The following MSH3 variants were observed in gnomAD, a reference collection of about 807,000 sequenced individuals.
The protein encoded by MSH3 is DNA mismatch repair protein Msh3.
Under a neutral mutation model 123.3 loss-of-function variants are expected in MSH3, and 106 were observed. The ratio of observed to expected loss-of-function variants is 0.86; its 90% CI spans 0.73 to 1.01. The LOEUF (loss-of-function observed/expected upper bound fraction) is 1.01. MSH3 is among the 50% of genes least tolerant of loss of function. The pLI is 0.00. For synonymous variants in MSH3, 515 were observed against 481.4 expected, an observed-to-expected ratio of 1.07 and a Z score of -0.91; for missense variants, 1,459 against 1,347.6, an observed-to-expected ratio of 1.08 and a Z score of -1.29.
intron 8 of MSH3, among the ~76,000 whole-genome samples, chr5:80,682,743 T>C (rs1749999608): frequency 6.6e-6 from 1 of 152,224 alleles, no homozygotes; most frequent in Non-Finnish European, 1.5e-5. Context: ...ATTATACTCT[T>C]TTAGTTATTT....
At chr5:80,816,380 A>G (rs1412902040) in intron 20 of MSH3, among the ~76,000 whole-genome samples, 4 of 152,216 alleles carry the variant, frequency 2.6e-5, no homozygotes, top group Non-Finnish European at 2.9e-5. Flanking sequence ...TGTAAGAAGG[A>G]AGGAAGTATA....
chr5:80,839,289 A>C (rs1470256725), intron 20 of MSH3, among the ~76,000 whole-genome samples: 1 of 152,092 alleles, frequency 6.6e-6, no homozygotes, highest in Non-Finnish European at 1.5e-5. Context: ...AATCACTTGA[A>C]CCCTGGAGGT....
At chr5:80,676,999 G>T (rs1749856132) in intron 7 of MSH3, among the ~76,000 whole-genome samples, 1 of 152,102 alleles carries the variant, frequency 6.6e-6, no homozygotes, top group African/African-American at 2.4e-5. Context: ...CCACTTTTGG[G>T]CTGATGACAT....
At chr5:80,845,518 C>T (rs989133849) in intron 20 of MSH3, among the ~76,000 whole-genome samples, 1 of 152,206 alleles carries the variant, frequency 6.6e-6, no homozygotes, top group African/African-American at 2.4e-5. Flanking sequence ...TTCCATTCTC[C>T]CCGTCACTTT....
intron 6 of MSH3, among the ~76,000 whole-genome samples, chr5:80,673,088 A>G (rs2112814582): frequency 6.6e-6 from 1 of 152,190 alleles, no homozygotes; most frequent in East Asian, 1.9e-4. Flanking sequence ...ATACTTCAAG[A>G]GCAAGAAAAA....
At chr5:80,806,745 A>G (rs1011680364) in intron 19 of MSH3, among the ~76,000 whole-genome samples, 8 of 152,198 alleles carry the variant, frequency 5.3e-5, no homozygotes, top group African/African-American at 1.9e-4. Flanking sequence ...TTACTCAGTT[A>G]ATTGGGGGAA....
At chr5:80,782,248 G>T (rs1744421761) in intron 17 of MSH3, among the ~76,000 whole-genome samples, 2 of 152,072 alleles carry the variant, frequency 1.3e-5, no homozygotes, top group Non-Finnish European at 2.9e-5. Flanking sequence ...AATGCAGTTG[G>T]CTCTTGATAT....
intron 17 of MSH3, among the ~76,000 whole-genome samples, chr5:80,784,239 AG>A (rs372187624): frequency 0.018 from 1,483 of 84,598 alleles, 394 homozygotes; most frequent in Middle Eastern, 0.029. Flanking sequence ...AAAAAAAAAA[AG>A]GGAAATAAAT....
chr5:80,742,071 G>A (rs891877177), intron 11 of MSH3, among the ~76,000 whole-genome samples: 15 of 151,000 alleles, frequency 9.9e-5, no homozygotes, highest in Non-Finnish European at 1.0e-4. Flanking sequence ...GTGAAGTGAT[G>A]CGATATTGGC....
intron 12 of MSH3, among the ~76,000 whole-genome samples, chr5:80,756,924 CA>C (rs1743936749): frequency 1.3e-5 from 2 of 152,124 alleles, no homozygotes; most frequent in South Asian, 4.1e-4. Flanking sequence ...TTAGGTAGTT[CA>C]TTTAGCCATT....
chr5:80,744,826 C>T (rs1390185930), intron 12 of MSH3, among the ~76,000 whole-genome samples: 1 of 152,114 alleles, frequency 6.6e-6, no homozygotes, highest in African/African-American at 2.4e-5. Flanking sequence ...GATTGGCAGA[C>T]ATAGGGCGTT....
At chr5:80,784,387 TA>T (rs776153672) in intron 17 of MSH3, among the ~76,000 whole-genome samples, 17 of 151,914 alleles carry the variant, frequency 1.1e-4, no homozygotes, top group Admixed American at 2.0e-4. Flanking sequence ...TCTTCAAAAC[TA>T]GAGAGCATTT....
chr5:80,718,684 G>A (rs1751013679), intron 8 of MSH3, among the ~76,000 whole-genome samples: 1 of 151,142 alleles, frequency 6.6e-6, no homozygotes, highest in African/African-American at 2.4e-5. Context: ...AGAGAACTTT[G>A]TAGATTCTAT....
At chr5:80,693,105 A>G (rs1191559892) in intron 8 of MSH3, among the ~76,000 whole-genome samples, 14 of 137,194 alleles carry the variant, frequency 1.0e-4, no homozygotes, top group East Asian at 2.1e-4. Flanking sequence ...ATATACATGC[A>G]CATGTATGTT....
At chr5:80,849,106 G>C (rs1036218896) in intron 20 of MSH3, among the ~76,000 whole-genome samples, 1 of 152,096 alleles carries the variant, frequency 6.6e-6, no homozygotes, top group Admixed American at 6.5e-5. Flanking sequence ...GAAATTCAGC[G>C]GGGAAGTCAA....
At chr5:80,686,037 G>T (rs1750079477) in intron 8 of MSH3, among the ~76,000 whole-genome samples, 1 of 151,992 alleles carries the variant, frequency 6.6e-6, no homozygotes, top group Non-Finnish European at 1.5e-5. Context: ...TCAGTTTTTT[G>T]AATGTTTTAA....
In MSH3 at chr5:80,678,500, TTGAG is replaced by T. The variant is rs1291772751; in HGVS notation, c.1174-423_1174-420del. Among the ~76,000 whole-genome samples the T allele has an allele frequency of 6.6e-5, 10 of 152,220 alleles. No homozygotes were observed. The South Asian group carries it at 1.0e-3, about 16-fold the overall frequency. On this transcript the variant is annotated intron_variant, in intron 7 of 23. Coordinates refer to ENST00000265081, the MANE Select transcript of MSH3 (RefSeq NM_002439.5). ...TACTAGGACCATGTCACTTGTTACT[TTGAG>T]TGATAACTACTATTTGTACAGTGCT...
intron 12 of MSH3, among the ~76,000 whole-genome samples, chr5:80,747,887 G>A (rs1205962180): frequency 6.6e-6 from 1 of 152,122 alleles, no homozygotes; most frequent in Non-Finnish European, 1.5e-5. Context: ...TATATGCTCT[G>A]TAATGTCCAC....
intron 16 of MSH3, 73 bp downstream of exon 16, chr5:80,775,831 A>G: frequency 1.2e-6 from 1 of 802,134 alleles, no homozygotes; most frequent in Non-Finnish European, 2.2e-6. Flanking sequence ...TACTGGGCTC[A>G]TCGTAGCCAC....
Sources: allele counts gnomAD v4.1 joint callset (sites outside exome capture counted in the v4.1 genomes callset), GRCh38; gene constraint gnomAD v4.1.1; transcripts MANE v1.5; gene names NCBI Gene and HGNC (gene_info 2026-07-23, HGNC 2026-07-21).